ARHGAP10: variants seen among roughly 807,000 people sequenced by gnomAD.
ARHGAP10 encodes the protein rho GTPase-activating protein 10.
A neutral mutation model predicts 108.6 loss-of-function variants in ARHGAP10; 87 were observed. The observed-to-expected ratio is 0.80, with a 90% CI of 0.67 to 0.96. The LOEUF is 0.96. Among genes scored for constraint, ARHGAP10 ranks in the 40% least tolerant of loss-of-function variants. The pLI is 0.00. For synonymous variants in ARHGAP10, 347 were observed against 341.1 expected (o/e 1.02, Z -0.19); for missense variants, 939 against 954.5 (o/e 0.98, Z 0.21).
chr4:147,735,902 A>G (rs1167259079), intron 1 of ARHGAP10, among the ~76,000 whole-genome samples: 1 of 152,174 alleles, frequency 6.6e-6, no homozygotes. Flanking sequence ...CGTGATGTCT[A>G]TGTAGTTTCA....
At chr4:148,066,544 G>A (rs949150077) in intron 22 of ARHGAP10, among the ~76,000 whole-genome samples, 5 of 152,206 alleles carry the variant, frequency 3.3e-5, no homozygotes, top group African/African-American at 4.8e-5. Context: ...AAAAGAAAGT[G>A]TGCGTGTACA....
At chr4:147,828,549 A>G (rs1017996466) in intron 3 of ARHGAP10, among the ~76,000 whole-genome samples, 2 of 152,226 alleles carry the variant, frequency 1.3e-5, no homozygotes, top group African/African-American at 2.4e-5. Context: ...GTAATTTCCA[A>G]CATGCTTCGT....
intron 1 of ARHGAP10, among the ~76,000 whole-genome samples, chr4:147,746,323 T>TG (rs962420364): frequency 2.6e-5 from 4 of 151,378 alleles, no homozygotes; most frequent in Admixed American, 2.0e-4. Context: ...AGGATGGTCT[T>TG]GATCTCTTAA....
chr4:148,061,980 GC>G, intron 20 of ARHGAP10, among the ~76,000 whole-genome samples: 1 of 152,164 alleles, frequency 6.6e-6, no homozygotes, highest in Non-Finnish European at 1.5e-5. Context: ...CTGGAGCTGA[GC>G]CAAGGAAGGG....
At chr4:147,912,568 T>C (rs377735676) in intron 12 of ARHGAP10, among the ~76,000 whole-genome samples, 4 of 104,320 alleles carry the variant, frequency 3.8e-5, no homozygotes, top group African/African-American at 2.3e-4. Context: ...TATATATATA[T>C]ATATATATAT....
chr4:147,897,336 C>G (rs1393276868), intron 10 of ARHGAP10, among the ~76,000 whole-genome samples: 1 of 151,952 alleles, frequency 6.6e-6, no homozygotes, highest in Non-Finnish European at 1.5e-5. Context: ...CTCCTGACTT[C>G]AAGCCATCTT....
chr4:147,959,719 A>G (rs1003880448), intron 16 of ARHGAP10, among the ~76,000 whole-genome samples: 2 of 152,194 alleles, frequency 1.3e-5, no homozygotes, highest in African/African-American at 4.8e-5. Context: ...ATGGTTGCAT[A>G]GTATTTCATG....
rs1397069169 is a variant in ARHGAP10 at position 147,964,318 on chromosome 4, C to CCCTG, written c.1451-702_1451-699dup. 1.6e-4 allele frequency among the ~76,000 whole-genome samples: 25 copies of CCCTG among 152,304 alleles called. No homozygotes were observed. The East Asian group carries it at 4.4e-3, about 27-fold the overall frequency. On this transcript the variant is annotated intron_variant, in intron 16 of 22. Coordinates refer to ENST00000336498, the MANE Select transcript of ARHGAP10 (RefSeq NM_024605.4). ...AACCAGCCGGTCCTCAACCTGCGCA[C>CCCTG]CCTGCCTTGCCCATTCCTTCCTGCA...
Position 147,783,472 on chromosome 4 carries a change from A to G in ARHGAP10, c.155-39255A>G, listed in dbSNP as rs999967705. Among the ~76,000 whole-genome samples the G allele has an allele frequency of 2.7e-5, 4 of 146,438 alleles. No individual in the cohort carries two copies. In the East Asian group the frequency reaches 6.2e-4, roughly 23 times the overall value. ...TAGCACACATTAAATTATGTATTGT[A>G]TAATTTATATAGCACACATTAAATT... On this transcript the variant is annotated intron_variant, in intron 1 of 22. Transcript: ENST00000336498.
intron 3 of ARHGAP10, among the ~76,000 whole-genome samples, chr4:147,843,782 G>A (rs1324863118): frequency 6.6e-6 from 1 of 152,204 alleles, no homozygotes; most frequent in African/African-American, 2.4e-5. Context: ...CTCCCAAAGT[G>A]GGATTACAGG....
intron 1 of ARHGAP10, among the ~76,000 whole-genome samples, chr4:147,763,969 G>A (rs985289314): frequency 1.3e-5 from 2 of 151,990 alleles, no homozygotes; most frequent in Non-Finnish European, 2.9e-5. Context: ...TGGCCAGGCT[G>A]GTCTCAAACT....
At chr4:147,988,407 T>C (rs571603184) in intron 18 of ARHGAP10, among the ~76,000 whole-genome samples, 1 of 152,286 alleles carries the variant, frequency 6.6e-6, no homozygotes, top group African/African-American at 2.4e-5. Context: ...TTCTTCCACA[T>C]CTCCTGGCTG....
At chr4:148,000,499 A>G (rs1013868555) in intron 18 of ARHGAP10, among the ~76,000 whole-genome samples, 8 of 152,346 alleles carry the variant, frequency 5.3e-5, no homozygotes, top group Non-Finnish European at 1.0e-4. Flanking sequence ...AGGAATCGCC[A>G]TACTGTCTTC....
intron 18 of ARHGAP10, among the ~76,000 whole-genome samples, chr4:147,971,207 T>G (rs572498968): frequency 6.6e-6 from 1 of 152,262 alleles, no homozygotes; most frequent in Admixed American, 6.5e-5. Context: ...TGTGAACTTT[T>G]CAAGGATTTT....
At chr4:148,045,738 CAAAAAAA>C (rs11363800) in intron 19 of ARHGAP10, among the ~76,000 whole-genome samples, 10 of 57,520 alleles carry the variant, frequency 1.7e-4, no homozygotes, top group African/African-American at 3.7e-4. Context: ...AACTCCATCT[CAAAAAAA>C]AAAAAAAAAA....
intron 10 of ARHGAP10, among the ~76,000 whole-genome samples, chr4:147,906,103 G>A (rs1337059732): frequency 1.3e-5 from 2 of 152,070 alleles, no homozygotes; most frequent in Non-Finnish European, 1.5e-5. Context: ...CTTTGCTGAA[G>A]GTGCATCTTT....
chr4:147,779,221 G>A (rs80146386), intron 1 of ARHGAP10, among the ~76,000 whole-genome samples: 2 of 152,058 alleles, frequency 1.3e-5, no homozygotes, highest in South Asian at 2.1e-4. Flanking sequence ...TGTAAGCTGC[G>A]GCCAGAGGAG....
In ARHGAP10 at chr4:147,970,156, T is replaced by C. The variant is rs375280093; in HGVS notation, c.1716+3317T>C. On this transcript the variant is annotated intron_variant, in intron 18 of 22. Coordinates refer to ENST00000336498, the MANE Select transcript of ARHGAP10 (RefSeq NM_024605.4). Reference sequence around the variant, plus strand: ...TTGGACTTCACTGCAGAGTCCAGGCTCTGCTATGAGGAAGAATATTTTTGC... The same window carrying C: ...TTGGACTTCACTGCAGAGTCCAGGCCCTGCTATGAGGAAGAATATTTTTGC... Among the ~76,000 whole-genome samples the C allele has an allele frequency of 7.2e-5, 11 of 152,310 alleles. No homozygotes were observed. The East Asian group carries it at 2.1e-3, about 29-fold the overall frequency.
chr4:147,811,589 TTA>T (rs200387773), intron 1 of ARHGAP10, among the ~76,000 whole-genome samples: 34 of 146,890 alleles, frequency 2.3e-4, no homozygotes, highest in Admixed American at 6.1e-4. Flanking sequence ...ATGGCTTTTT[TTA>T]AAAAAAAAAA....
Sources: gnomAD v4.1 joint callset for allele counts (sites outside exome capture counted in the v4.1 genomes callset) on GRCh38, gnomAD v4.1.1 for gene constraint, MANE v1.5 for transcripts, NCBI Gene and HGNC (gene_info 2026-07-23, HGNC 2026-07-21) for gene names.